The following DCAF1 variants were observed in gnomAD, a reference collection of about 807,000 sequenced individuals.
The protein encoded by DCAF1 is DDB1 and CUL4 associated factor 1.
In DCAF1, 15 loss-of-function variants were observed where a neutral mutation model predicts 128.0. The ratio of observed to expected loss-of-function variants is 0.12; its 90% CI spans 0.08 to 0.18. The LOEUF (loss-of-function observed/expected upper bound fraction) is 0.18. DCAF1 is among the 10% of genes least tolerant of loss of function. The pLI, the probability that DCAF1 is intolerant of heterozygous loss-of-function variation, is 1.00. For missense variants in DCAF1, 988 were observed against 1,649.5 expected (o/e 0.60, Z 6.95); for synonymous variants, 610 against 603.0 (o/e 1.01, Z -0.17).
At chr3:51,407,685 T>C (rs973097772) in intron 23 of DCAF1, among the ~76,000 whole-genome samples, 4 of 152,110 alleles carry the variant, frequency 2.6e-5, no homozygotes, top group African/African-American at 9.7e-5. Flanking sequence ...AATGAACTGA[T>C]TTCTAAAAAC....
intron 5 of DCAF1, among the ~76,000 whole-genome samples, chr3:51,463,982 G>A (rs573887590): frequency 6.6e-6 from 1 of 152,072 alleles, no homozygotes; most frequent in South Asian, 2.1e-4. Flanking sequence ...AGCCTCCCAA[G>A]TAGCTGGGAC....
At chr3:51,447,861 T>C (rs1163267737) in intron 6 of DCAF1, among the ~76,000 whole-genome samples, 6 of 152,056 alleles carry the variant, frequency 3.9e-5, no homozygotes, top group African/African-American at 1.4e-4. Context: ...GGCAGGAGAA[T>C]TGCTTGAACC....
chr3:51,432,056 A>G (rs1415258357), intron 10 of DCAF1, among the ~76,000 whole-genome samples: 1 of 151,746 alleles, frequency 6.6e-6, no homozygotes, highest in Non-Finnish European at 1.5e-5. Context: ...GGGAATCACA[A>G]AGTCAGGAGT....
intron 22 of DCAF1, 100 bp from the exon 23 acceptor site, chr3:51,412,580 T>C (rs1347731118): frequency 2.1e-5 from 32 of 1,545,338 alleles, no homozygotes; most frequent in Non-Finnish European, 2.4e-5. Context: ...ACCCTGTAAT[T>C]ATTAAAGCTT....
intron 6 of DCAF1, among the ~76,000 whole-genome samples, chr3:51,462,149 G>A (rs537450118): frequency 6.6e-6 from 1 of 152,224 alleles, no homozygotes; most frequent in East Asian, 1.9e-4. Flanking sequence ...CTGGCCAGGT[G>A]TGGCAGTTCA....
Position 51,398,532 on chromosome 3 carries a change from T to G in DCAF1, c.*237A>C, listed in dbSNP as rs201263110. On this transcript the variant is annotated 3_prime_UTR_variant, in exon 25 of 25. Coordinates refer to ENST00000684031, the MANE Select transcript of DCAF1 (RefSeq NM_001387579.1). ...GTCCATCCTAGGAAATGGTGGGGGG[T>G]GGATGTGGGGGGTGCAGAGTAGGGC... The G allele has an allele frequency of 1.4e-5, 6 of 436,848 alleles. No individual in the cohort carries two copies. The highest frequency in any genetic ancestry group is 4.2e-5 in the South Asian group (1 of 23,788). The allele number at this position is 436,848 out of a possible 1,614,324, so 27.1% of individuals were successfully genotyped here.
intron 6 of DCAF1, among the ~76,000 whole-genome samples, chr3:51,461,721 A>C (rs1703598491): frequency 6.6e-6 from 1 of 152,222 alleles, no homozygotes; most frequent in African/African-American, 2.4e-5. Flanking sequence ...ACCATGGAAT[A>C]CTATGCAGCC....
At chr3:51,416,270 C>A (rs1334832637) in intron 18 of DCAF1, among the ~76,000 whole-genome samples, 4 of 152,180 alleles carry the variant, frequency 2.6e-5, no homozygotes, top group African/African-American at 7.2e-5. Context: ...AAGGGCTTTT[C>A]CCTTGCCATT....
At position 51,420,789 on chromosome 3, in the gene DCAF1, A is replaced by G. The variant is rs1577090154; in HGVS notation, c.2181T>C (p.Asn727=). ...SSEHTLAKMW[N]VVQSNNGIKV... is the part of the protein sequence containing the mutation. ...TGATGCCGTTGTTGGACTGAACCAC[A>G]TTCCACATCTTGGCCAGGGTGTGCT... The change falls in exon 15 of 25, where the codon AAT becomes AAC. Residue 727 remains asparagine, a synonymous_variant. Transcript: ENST00000684031. This position sits in a 1 kb window ranked among gnomAD's most constrained non-coding sequence, Gnocchi z 6.5. 4.3e-6 allele frequency: 7 copies of G among 1,614,014 alleles called. No homozygotes were observed. The highest frequency in any genetic ancestry group is 5.9e-6 in the Non-Finnish European group (7 of 1,179,892).
At chr3:51,433,977 G>A (rs1363403936) in intron 9 of DCAF1, among the ~76,000 whole-genome samples, 2 of 151,512 alleles carry the variant, frequency 1.3e-5, no homozygotes, top group African/African-American at 4.8e-5. Context: ...AGCTACTTGG[G>A]AGGCTGAGGC....
At chr3:51,472,643 G>A (rs1249529868) in intron 3 of DCAF1, among the ~76,000 whole-genome samples, 1 of 151,660 alleles carries the variant, frequency 6.6e-6, no homozygotes, top group African/African-American at 2.4e-5. Context: ...GTTGCTGAAT[G>A]TATGAAAAGT....
rs1036452177 is a variant in DCAF1, at chr3:51,433,214, C to T, written c.1179G>A (p.Ala393=). 1.3e-5 allele frequency: 5 copies of T among 398,398 alleles called. No homozygotes were observed. The highest frequency in any genetic ancestry group is 1.8e-5 in the Non-Finnish European group (4 of 226,032). 24.7% of individuals were successfully genotyped at this position (398,398 alleles called of 1,614,324 possible). Residue 393 remains alanine, a synonymous_variant, in exon 10 of 25, where the codon GCG becomes GCA. Coordinates refer to ENST00000684031, the MANE Select transcript of DCAF1 (RefSeq NM_001387579.1). The part of the protein sequence containing the change: ...LHNKFATEFV[A]HGGVQKLLEI... ...CCAGTAATTTCTGTACTCCACCATG[C>T]GCAACAAATTCTGTGGCAAATTTGT...
chr3:51,504,841 C>T (rs559582017), upstream of DCAF1, among the ~76,000 whole-genome samples: 1 of 152,172 alleles, frequency 6.6e-6, no homozygotes, highest in Admixed American at 6.6e-5. Context: ...GGGCCTGGCA[C>T]GGTGGCTCAC....
intron 3 of DCAF1, among the ~76,000 whole-genome samples, chr3:51,473,489 T>C (rs1391287000): frequency 7.1e-5 from 4 of 56,576 alleles, no homozygotes; most frequent in African/African-American, 2.4e-4. Flanking sequence ...AGACTCCATC[T>C]CAAAAAAAAA....
intron 24 of DCAF1, 43 bp downstream of exon 24, chr3:51,403,100 C>CCCTGGGTGCCAAGGCTCAG: frequency 6.4e-7 from 1 of 1,563,612 alleles, no homozygotes. Flanking sequence ...AGGGATCTTG[C>CCCTGGGTGCCAAGGCTCAG]CCTGGGTGCC....
chr3:51,446,486 C>T (rs114864761), intron 6 of DCAF1, among the ~76,000 whole-genome samples: 1 of 152,032 alleles, frequency 6.6e-6, no homozygotes, highest in African/African-American at 2.4e-5. Context: ...TAAAAATTAG[C>T]TGGGCGTGGT....
At chr3:51,406,653 T>C (rs543247765) in intron 23 of DCAF1, among the ~76,000 whole-genome samples, 2 of 152,230 alleles carry the variant, frequency 1.3e-5, no homozygotes, top group Non-Finnish European at 2.9e-5. Flanking sequence ...TCAACTGGCA[T>C]AAGCTCCCTC....
intron 3 of DCAF1, among the ~76,000 whole-genome samples, chr3:51,477,747 C>T (rs540488575): frequency 6.6e-6 from 1 of 152,202 alleles, no homozygotes; most frequent in Admixed American, 6.6e-5. Flanking sequence ...TACTGAGTGA[C>T]AAATAAGGAA....
intron 3 of DCAF1, among the ~76,000 whole-genome samples, chr3:51,477,506 C>T (rs1386095275): frequency 6.6e-6 from 1 of 151,288 alleles, no homozygotes; most frequent in Non-Finnish European, 1.5e-5. Flanking sequence ...TGGTAGCATG[C>T]ACCCCAGCCA....
Sources: allele counts gnomAD v4.1 joint callset (sites outside exome capture counted in the v4.1 genomes callset), GRCh38; gene constraint gnomAD v4.1.1; non-coding constraint Gnocchi (gnomAD v3.1); transcripts MANE v1.5; gene names NCBI Gene and HGNC (gene_info 2026-07-23, HGNC 2026-07-21).